Variants in CSMD1 observed in about 807,000 individuals in gnomAD.
CSMD1 encodes the protein CUB and Sushi multiple domains 1.
A neutral mutation model predicts 417.5 loss-of-function variants in CSMD1; 213 were observed. That is an observed-to-expected ratio of 0.51 (90% CI 0.46 to 0.57). The LOEUF (loss-of-function observed/expected upper bound fraction) is 0.57. Ranked by LOEUF, CSMD1 falls within the 20% of genes least tolerant of loss-of-function variation. CSMD1 has a pLI of 0.00. For missense variants in CSMD1, 6,923 were observed against 4,529.7 expected, an observed-to-expected ratio of 1.53 and a Z score of -15.17; for synonymous variants, 2,862 against 1,736.8, an observed-to-expected ratio of 1.65 and a Z score of -16.11.
intron 3 of CSMD1, among the ~76,000 whole-genome samples, chr8:4,363,383 A>G (rs1801887245): frequency 6.6e-6 from 1 of 152,104 alleles, no homozygotes. Context: ...CATGCTTTAT[A>G]CGTAAGAGGG....
chr8:3,611,418 T>C (rs1308576647), intron 8 of CSMD1, among the ~76,000 whole-genome samples: 1 of 152,124 alleles, frequency 6.6e-6, no homozygotes, highest in Non-Finnish European at 1.5e-5. Flanking sequence ...GCTGCTTGCT[T>C]TTCTACTGAA....
At chr8:4,845,702 G>T (rs66778963) in intron 1 of CSMD1, among the ~76,000 whole-genome samples, 18,299 of 152,210 alleles carry the variant, frequency 0.12, 1,276 homozygotes, top group East Asian at 0.25. Context: ...AGGAGACAAT[G>T]GTGTGCTGTT....
At chr8:4,275,693 GTGA>G (rs1308380068) in intron 3 of CSMD1, among the ~76,000 whole-genome samples, 5 of 152,106 alleles carry the variant, frequency 3.3e-5, no homozygotes, top group African/African-American at 1.2e-4. Context: ...GCTTGTTTTA[GTGA>G]TAATACTCAG....
chr8:3,367,539 C>A (rs188569800), intron 19 of CSMD1, among the ~76,000 whole-genome samples: 1 of 151,766 alleles, frequency 6.6e-6, no homozygotes, highest in Non-Finnish European at 1.5e-5. Context: ...ACACATCAAG[C>A]CTTAATCAAA....
chr8:3,232,876 C>A (rs1703956985), intron 26 of CSMD1, among the ~76,000 whole-genome samples: 1 of 151,678 alleles, frequency 6.6e-6, no homozygotes, highest in South Asian at 2.1e-4. Flanking sequence ...AATAGTCTTA[C>A]CTTCTTCTTT....
chr8:3,679,915 C>T (rs1799565142), intron 7 of CSMD1, among the ~76,000 whole-genome samples: 1 of 152,176 alleles, frequency 6.6e-6, no homozygotes, highest in African/African-American at 2.4e-5. Context: ...GGAAACTGAA[C>T]AACTTGCTCC....
Position 4,983,066 on chromosome 8 carries a change from A to C in CSMD1, c.85+11266T>G, listed in dbSNP as rs78130754. On this transcript the variant is annotated intron_variant, in intron 1 of 69. Transcript: ENST00000635120. The stretch of plus-strand genomic sequence containing the variant: ...AAATTATTGTCACCAGAAGAAAAAA[A>C]TGCAAACATCTCAGATAACTTACTC... 5.8e-3 allele frequency among the ~76,000 whole-genome samples: 877 copies of C among 152,366 alleles called. 10 individuals are homozygous for C. The highest frequency in any genetic ancestry group is 0.041 in the East Asian group (212 of 5,184).
intron 10 of CSMD1, among the ~76,000 whole-genome samples, chr8:3,495,885 T>G (rs1279766185): frequency 1.3e-5 from 2 of 152,160 alleles, no homozygotes; most frequent in African/African-American, 4.8e-5. Flanking sequence ...GCTCCATATT[T>G]CTTTTTTTAC....
chr8:4,833,088 T>C (rs1239914138), intron 1 of CSMD1, among the ~76,000 whole-genome samples: 2 of 152,188 alleles, frequency 1.3e-5, no homozygotes, highest in Non-Finnish European at 1.5e-5. Flanking sequence ...CTAACTTGGA[T>C]TTAAATCTGT....
intron 7 of CSMD1, among the ~76,000 whole-genome samples, chr8:3,643,067 G>A (rs1023883666): frequency 2.0e-5 from 3 of 151,972 alleles, no homozygotes; most frequent in South Asian, 2.1e-4. Context: ...GAGTGTCGAC[G>A]GCACGGGAGA....
At chr8:4,863,766 T>A (rs994864891) in intron 1 of CSMD1, among the ~76,000 whole-genome samples, 1 of 152,106 alleles carries the variant, frequency 6.6e-6, no homozygotes, top group Non-Finnish European at 1.5e-5. Flanking sequence ...ATAAATGTGT[T>A]GATTTGTATA....
chr8:3,033,252 T>C (rs919931461), intron 50 of CSMD1, among the ~76,000 whole-genome samples: 1 of 152,112 alleles, frequency 6.6e-6, no homozygotes, highest in South Asian at 2.1e-4. Flanking sequence ...AAATTTCCTA[T>C]TAATATACCA....
At chr8:4,503,986 A>G (rs7840379) in intron 2 of CSMD1, among the ~76,000 whole-genome samples, 8 of 147,600 alleles carry the variant, frequency 5.4e-5, no homozygotes, top group African/African-American at 1.8e-4. Context: ...AAAAAAAAAG[A>G]AAAAAAAAGG....
At chr8:4,410,826 C>T (rs1310005047) in intron 3 of CSMD1, among the ~76,000 whole-genome samples, 6 of 152,096 alleles carry the variant, frequency 3.9e-5, no homozygotes, top group African/African-American at 4.8e-5. Context: ...GGTTTGTCTC[C>T]ACCAAAACAT....
chr8:4,381,051 G>C lies in CSMD1; in HGVS notation c.415+38902C>G, dbSNP rs538270673. Among the ~76,000 whole-genome samples, 26 of 152,106 alleles carry C rather than the reference G, an allele frequency of 1.7e-4. 1 individual carries two copies. Among genetic ancestry groups the C allele is most frequent in the African/African-American group, 4.8e-4 (20 of 41,414 alleles). On this transcript the variant is annotated intron_variant, in intron 3 of 69. Transcript: ENST00000635120. The stretch of plus-strand genomic sequence containing the variant: ...GGGAAATGGGTTAAGGAATATGTGA[G>C]TATTGTGGGTTATATTAGGTTGGTT...
At chr8:4,434,297 T>A (rs1191238892) in intron 2 of CSMD1, among the ~76,000 whole-genome samples, 1 of 152,114 alleles carries the variant, frequency 6.6e-6, no homozygotes, top group Non-Finnish European at 1.5e-5. Context: ...ACCTTGGAGA[T>A]GGAGGTTGCA....
intron 6 of CSMD1, among the ~76,000 whole-genome samples, chr8:3,712,194 T>G (rs767785069): frequency 4.3e-4 from 65 of 152,198 alleles, no homozygotes; most frequent in Non-Finnish European, 7.6e-4. Context: ...CTGCTAATCT[T>G]GGCAACGTTG....
intron 5 of CSMD1, among the ~76,000 whole-genome samples, chr8:3,875,814 A>G (rs1387012525): frequency 6.6e-6 from 1 of 152,168 alleles, no homozygotes; most frequent in Non-Finnish European, 1.5e-5. Flanking sequence ...AACAGCTGAG[A>G]GCTTGAGGGA....
chr8:3,779,045 A>G (rs1481712), intron 5 of CSMD1, among the ~76,000 whole-genome samples: 42,163 of 151,824 alleles, frequency 0.28, 6,405 homozygotes, highest in East Asian at 0.45. Flanking sequence ...CAACGTTTTC[A>G]TAACAAATTA....
Sources: gnomAD v4.1 joint callset for allele counts (sites outside exome capture counted in the v4.1 genomes callset) on GRCh38, gnomAD v4.1.1 for gene constraint, MANE v1.5 for transcripts, NCBI Gene and HGNC (gene_info 2026-07-23, HGNC 2026-07-21) for gene names.